ERI1: variants seen among roughly 807,000 people sequenced by gnomAD.
The protein encoded by ERI1 is exoribonuclease 1.
In ERI1, 39 loss-of-function variants were observed where a neutral mutation model predicts 39.7. The observed-to-expected ratio is 0.98, with a 90% CI of 0.76 to 1.28. The LOEUF (loss-of-function observed/expected upper bound fraction) is 1.28. Ranked by LOEUF, ERI1 falls within the 50% of genes most tolerant of loss-of-function variation. ERI1 has a pLI of 0.00. For missense variants in ERI1, 581 were observed against 416.9 expected (o/e 1.39, Z -3.43); for synonymous variants, 204 against 149.6 (o/e 1.36, Z -2.65).
chr8:9,028,465 G>C (rs904440172), intron 6 of ERI1, among the ~76,000 whole-genome samples: 1 of 152,116 alleles, frequency 6.6e-6, no homozygotes, highest in African/African-American at 2.4e-5. Flanking sequence ...CATTTGCTTT[G>C]TGATTATCCC....
At chr8:9,044,285 T>C (rs1180224574) in intron 3 of ERI1, among the ~76,000 whole-genome samples, 1 of 152,220 alleles carries the variant, frequency 6.6e-6, no homozygotes, top group Non-Finnish European at 1.5e-5. Context: ...CTAGAGCTCC[T>C]TACATTTTCT....
intron 3 of ERI1, among the ~76,000 whole-genome samples, chr8:9,049,260 G>T (rs1290644351): frequency 2.9e-5 from 4 of 139,264 alleles, no homozygotes; most frequent in Non-Finnish European, 6.1e-5. Context: ...CGCTTGAACT[G>T]AGGAGGCAGA....
chr8:9,010,910 T>G (rs1816599344), intron 2 of ERI1, among the ~76,000 whole-genome samples: 1 of 152,204 alleles, frequency 6.6e-6, no homozygotes, highest in Non-Finnish European at 1.5e-5. Context: ...AAGAAACTTA[T>G]TTCTAGTTAA....
chr8:9,095,800 G>C (rs1002873983), intron 3 of ERI1, among the ~76,000 whole-genome samples: 22 of 152,106 alleles, frequency 1.4e-4, no homozygotes, highest in African/African-American at 4.6e-4. Context: ...GGATTACACT[G>C]CGCTCGGCCA....
intron 3 of ERI1, among the ~76,000 whole-genome samples, chr8:9,052,570 G>A (rs1018362387): frequency 2.6e-5 from 4 of 152,142 alleles, no homozygotes; most frequent in Non-Finnish European, 5.9e-5. Context: ...AGGTGCACAC[G>A]TATGAAGGGA....
intron 3 of ERI1, among the ~76,000 whole-genome samples, chr8:9,068,540 G>A (rs1798951748): frequency 6.6e-6 from 1 of 152,122 alleles, no homozygotes; most frequent in African/African-American, 2.4e-5. Context: ...GGCTGGATTG[G>A]TGGGAGCACT....
chr8:9,007,270 C>G (rs993889852), intron 1 of ERI1, among the ~76,000 whole-genome samples: 2 of 152,112 alleles, frequency 1.3e-5, no homozygotes, highest in African/African-American at 4.8e-5. Context: ...AAATACATTT[C>G]CTTCTTTGAG....
intron 3 of ERI1, among the ~76,000 whole-genome samples, chr8:9,058,867 A>AAATAAATC (rs1563363254): frequency 1.4e-5 from 2 of 146,874 alleles, no homozygotes; most frequent in South Asian, 2.1e-4. Flanking sequence ...ATAAATAAAT[A>AAATAAATC]AATCTTTTAT....
At chr8:9,087,593 C>T (rs1432431299) in intron 3 of ERI1, among the ~76,000 whole-genome samples, 3 of 152,066 alleles carry the variant, frequency 2.0e-5, no homozygotes, top group Non-Finnish European at 4.4e-5. Context: ...TATTTTTATA[C>T]AGTGATCATG....
intron 3 of ERI1, among the ~76,000 whole-genome samples, chr8:9,087,332 G>A (rs1350493788): frequency 2.0e-5 from 3 of 151,234 alleles, no homozygotes; most frequent in African/African-American, 7.3e-5. Context: ...TGCAATCTCC[G>A]CCTCCCGGGT....
At chr8:9,027,650 T>A (rs921266447) in intron 6 of ERI1, among the ~76,000 whole-genome samples, 1 of 152,206 alleles carries the variant, frequency 6.6e-6, no homozygotes, top group Admixed American at 6.5e-5. Context: ...AAGTTAATTT[T>A]GTTATATGGT....
At chr8:9,060,432 T>C (rs1798654356) in intron 3 of ERI1, among the ~76,000 whole-genome samples, 1 of 151,102 alleles carries the variant, frequency 6.6e-6, no homozygotes, top group Non-Finnish European at 1.5e-5. Flanking sequence ...CCAAGCTTGA[T>C]GTGTAGCGAA....
At chr8:9,029,662 G>C (rs1585235630) in intron 6 of ERI1, 130 bp from the exon 7 acceptor site, 1 of 1,083,122 alleles carries the variant, frequency 9.2e-7, no homozygotes, top group South Asian at 1.5e-5. Context: ...TTGAGTGGGG[G>C]TATTGCCCTT....
downstream of ERI1, among the ~76,000 whole-genome samples, chr8:9,035,173 A>C (rs117914767): frequency 4.6e-5 from 7 of 152,228 alleles, no homozygotes; most frequent in Non-Finnish European, 8.8e-5. Context: ...AAATTATAGC[A>C]AGTTATCTAG....
intron 1 of ERI1, among the ~76,000 whole-genome samples, chr8:9,003,693 G>C (rs780185277): frequency 1.3e-5 from 2 of 152,098 alleles, no homozygotes; most frequent in Non-Finnish European, 2.9e-5. Context: ...AAGATTGAAT[G>C]AATCATTTTG....
At chr8:9,053,384 C>T (rs961101870) in intron 3 of ERI1, among the ~76,000 whole-genome samples, 1 of 152,176 alleles carries the variant, frequency 6.6e-6, no homozygotes, top group African/African-American at 2.4e-5. Context: ...GAGCAACAAG[C>T]TTCCAGGAGC....
chr8:9,013,277 A>G (rs554577616), intron 3 of ERI1, among the ~76,000 whole-genome samples: 2 of 151,280 alleles, frequency 1.3e-5, no homozygotes, highest in African/African-American at 4.9e-5. Context: ...AGGTTCCCCA[A>G]GTGCTAGGAT....
At chr8:9,021,777 T>G (rs1390190655) in intron 6 of ERI1, among the ~76,000 whole-genome samples, 4 of 144,766 alleles carry the variant, frequency 2.8e-5, no homozygotes, top group East Asian at 1.9e-4. Flanking sequence ...TTTTTTTGTT[T>G]TTTTTTTTTT....
At chr8:9,093,373 C>A (rs1206393951) in intron 3 of ERI1, among the ~76,000 whole-genome samples, 1 of 152,128 alleles carries the variant, frequency 6.6e-6, no homozygotes, top group Non-Finnish European at 1.5e-5. Flanking sequence ...AACACAGTCG[C>A]CTTCTGAAGT....
Sources: allele counts gnomAD v4.1 joint callset (sites outside exome capture counted in the v4.1 genomes callset), GRCh38; gene constraint gnomAD v4.1.1; transcripts MANE v1.5; gene names NCBI Gene and HGNC (gene_info 2026-07-23, HGNC 2026-07-21).